DTNA: variants seen among roughly 807,000 people sequenced by gnomAD.
The protein encoded by DTNA is dystrophin-related protein 3.
A neutral mutation model predicts 100.7 loss-of-function variants in DTNA; 43 were observed. That is an observed-to-expected ratio of 0.43 (90% CI 0.33 to 0.55). DTNA has a LOEUF of 0.55. Among genes scored for constraint, DTNA ranks in the 20% least tolerant of loss-of-function variants. The pLI, the probability that DTNA is intolerant of heterozygous loss-of-function variation, is 0.04. For missense variants in DTNA, 798 were observed against 953.9 expected (o/e 0.84, Z 2.15); for synonymous variants, 349 against 347.9 (o/e 1.00, Z -0.04).
intron 1 of DTNA, among the ~76,000 whole-genome samples, chr18:34,520,593 G>T (rs2042060430): frequency 1.3e-5 from 2 of 152,132 alleles, no homozygotes. Flanking sequence ...GGCAAAGGTT[G>T]CAGTGAGCCG....
intron 1 of DTNA, among the ~76,000 whole-genome samples, chr18:34,587,383 T>G (rs938235052): frequency 6.6e-6 from 1 of 152,140 alleles, no homozygotes; most frequent in Admixed American, 6.5e-5. Flanking sequence ...AGTCTCTCTC[T>G]TTCATTTTCT....
chr18:34,770,305 C>T (rs1405598290), intron 3 of DTNA, among the ~76,000 whole-genome samples: 2 of 151,906 alleles, frequency 1.3e-5, no homozygotes, highest in African/African-American at 4.8e-5. Flanking sequence ...TTTAAAACTA[C>T]ATAAAGGAGG....
intron 1 of DTNA, among the ~76,000 whole-genome samples, chr18:34,663,918 G>A (rs2075549222): frequency 6.6e-6 from 1 of 152,068 alleles, no homozygotes; most frequent in African/African-American, 2.4e-5. Context: ...AGACTATTTT[G>A]TCATAAAATC....
chr18:34,836,328 T>G (rs1039404342), intron 11 of DTNA, among the ~76,000 whole-genome samples: 3 of 152,138 alleles, frequency 2.0e-5, no homozygotes, highest in African/African-American at 7.2e-5. Flanking sequence ...GGAAAGTAAA[T>G]TATCCTAAAA....
At chr18:34,498,420 G>A (rs1012183553) in intron 1 of DTNA, among the ~76,000 whole-genome samples, 1 of 146,138 alleles carries the variant, frequency 6.8e-6, no homozygotes, top group African/African-American at 2.5e-5. Context: ...GCAACAGAAC[G>A]AGACTCCATC....
At chr18:34,716,039 C>G (rs1041081761) in intron 1 of DTNA, among the ~76,000 whole-genome samples, 6 of 152,088 alleles carry the variant, frequency 3.9e-5, no homozygotes, top group African/African-American at 1.4e-4. Context: ...GCAGTGTACA[C>G]TGGGTGCAGG....
chr18:34,854,299 A>C (rs1490614836), intron 15 of DTNA, among the ~76,000 whole-genome samples: 7 of 152,258 alleles, frequency 4.6e-5, no homozygotes, highest in African/African-American at 1.7e-4. Context: ...TTTTGGAACA[A>C]AATATTACGG....
intron 1 of DTNA, among the ~76,000 whole-genome samples, chr18:34,678,940 CTTG>C (rs2077724587): frequency 6.6e-6 from 1 of 152,100 alleles, no homozygotes; most frequent in Non-Finnish European, 1.5e-5. Context: ...TGTAGTCCAC[CTTG>C]TTGTAGTCCA....
intron 1 of DTNA, among the ~76,000 whole-genome samples, chr18:34,576,216 T>C (rs1182139212): frequency 2.0e-5 from 3 of 152,152 alleles, no homozygotes; most frequent in Non-Finnish European, 4.4e-5. Flanking sequence ...TGTGTGACTA[T>C]TGCATGTCCT....
chr18:34,776,146 G>A (rs978869930), intron 3 of DTNA, among the ~76,000 whole-genome samples: 4 of 152,138 alleles, frequency 2.6e-5, no homozygotes, highest in East Asian at 1.9e-4. Context: ...GCTATTTACC[G>A]AAAACTTTTC....
chr18:34,836,690 T>A (rs2096156063), intron 11 of DTNA, among the ~76,000 whole-genome samples: 1 of 151,214 alleles, frequency 6.6e-6, no homozygotes. Flanking sequence ...TTGGGTACAG[T>A]TGAACTTTTT....
At chr18:34,632,468 C>T (rs192943345) in intron 1 of DTNA, among the ~76,000 whole-genome samples, 53 of 152,258 alleles carry the variant, frequency 3.5e-4, no homozygotes, top group African/African-American at 1.1e-3. Context: ...TTAACAGTTC[C>T]CTAGTGCTAT....
At chr18:34,618,888 A>G (rs542050672) in intron 1 of DTNA, among the ~76,000 whole-genome samples, 1 of 152,292 alleles carries the variant, frequency 6.6e-6, no homozygotes, top group South Asian at 2.1e-4. Context: ...CAGGGAGCTC[A>G]AAGAGTGTAG....
At chr18:34,708,682 A>G (rs945295068), upstream of DTNA, among the ~76,000 whole-genome samples, 2 of 152,236 alleles carry the variant, frequency 1.3e-5, no homozygotes, top group African/African-American at 4.8e-5. Context: ...TAGGATTGTT[A>G]ATGCACATCT....
intron 14 of DTNA, among the ~76,000 whole-genome samples, chr18:34,851,409 A>G (rs1603237767): frequency 6.6e-6 from 1 of 152,156 alleles, no homozygotes; most frequent in Admixed American, 6.6e-5. Flanking sequence ...GCCTAAAACT[A>G]TATTTTTAAT....
chr18:34,557,127 A>G (rs1242451897), intron 1 of DTNA, among the ~76,000 whole-genome samples: 1 of 149,884 alleles, frequency 6.7e-6, no homozygotes, highest in Non-Finnish European at 1.5e-5. Flanking sequence ...TTCATCTTCC[A>G]TTGCTGATAC....
chr18:34,494,440 T>C (rs2038956087), intron 1 of DTNA, among the ~76,000 whole-genome samples: 1 of 152,072 alleles, frequency 6.6e-6, no homozygotes, highest in African/African-American at 2.4e-5. Context: ...TTCGAAGTTT[T>C]CTGCTGGACA....
At chr18:34,672,265 AAGG>A (rs2076864109) in intron 1 of DTNA, among the ~76,000 whole-genome samples, 1 of 152,128 alleles carries the variant, frequency 6.6e-6, no homozygotes, top group Non-Finnish European at 1.5e-5. Flanking sequence ...ATATTCATAA[AAGG>A]AGATTTTCAT....
intron 4 of DTNA, among the ~76,000 whole-genome samples, chr18:34,799,257 G>A (rs1175852110): frequency 6.6e-6 from 1 of 152,060 alleles, no homozygotes; most frequent in Non-Finnish European, 1.5e-5. Flanking sequence ...ACCTTACTGG[G>A]CCATTTGAAC....
Sources: allele counts gnomAD v4.1 joint callset (sites outside exome capture counted in the v4.1 genomes callset), GRCh38; gene constraint gnomAD v4.1.1; transcripts MANE v1.5; gene names NCBI Gene and HGNC (gene_info 2026-07-23, HGNC 2026-07-21).